The following DLG2 variants were observed in gnomAD, a reference collection of about 807,000 sequenced individuals.
DLG2 encodes discs large MAGUK scaffold protein 2.
Under a neutral mutation model 132.5 loss-of-function variants are expected in DLG2, and 45 were observed. The ratio of observed to expected loss-of-function variants is 0.34; its 90% CI spans 0.27 to 0.44. DLG2 has a LOEUF of 0.44. Ranked by LOEUF, DLG2 falls within the 20% of genes least tolerant of loss-of-function variation. The probability of loss-of-function intolerance (pLI) is 1.00; values close to 1 mark genes in which losing one functional copy is unlikely to be tolerated. For missense variants in DLG2, 1,045 were observed against 1,196.9 expected, an observed-to-expected ratio of 0.87 and a Z score of 1.87; for synonymous variants, 424 against 419.6, an observed-to-expected ratio of 1.01 and a Z score of -0.13.
intron 3 of DLG2, among the ~76,000 whole-genome samples, chr11:85,342,584 G>A (rs1448918523): frequency 6.6e-6 from 1 of 152,102 alleles, no homozygotes; most frequent in African/African-American, 2.4e-5. Context: ...TGATTTAAAA[G>A]TTTAGTACAG....
intron 3 of DLG2, among the ~76,000 whole-genome samples, chr11:85,479,411 T>C (rs1160051812): frequency 6.6e-6 from 1 of 152,244 alleles, no homozygotes; most frequent in Non-Finnish European, 1.5e-5. Flanking sequence ...TTCCACCCTA[T>C]CACCTCCAAA....
At chr11:83,888,128 G>C (rs917091966) in intron 15 of DLG2, among the ~76,000 whole-genome samples, 1 of 149,764 alleles carries the variant, frequency 6.7e-6, no homozygotes, top group African/African-American at 2.5e-5. Context: ...GGAAATAAAG[G>C]GTATTCAATT....
Position 84,766,437 on chromosome 11 carries a change from T to C in DLG2, c.358-231706A>G, listed in dbSNP as rs371770848. 3.0e-3 allele frequency among the ~76,000 whole-genome samples: 458 copies of C among 152,178 alleles called. 3 individuals are homozygous for C. The highest frequency in any genetic ancestry group is 4.3e-3 in the Non-Finnish European group (295 of 67,926). On this transcript the variant is annotated intron_variant, in intron 6 of 27. Transcript: ENST00000376104. ...CGCTCAGGGATAATATTCAAAATTG[T>C]TAGCAACTGGCCTAGCACAGTGACA...
intron 21 of DLG2, among the ~76,000 whole-genome samples, chr11:83,517,488 AGTTTGATCTT>A (rs2095336260): frequency 6.6e-6 from 1 of 152,122 alleles, no homozygotes; most frequent in Non-Finnish European, 1.5e-5. Flanking sequence ...AGCTCGGAGT[AGTTTGATCTT>A]CTGAAGCCTT....
chr11:83,473,273 T>C (rs2136672280), intron 22 of DLG2, among the ~76,000 whole-genome samples: 1 of 152,294 alleles, frequency 6.6e-6, no homozygotes, highest in African/African-American at 2.4e-5. Context: ...AGGGTTTTAC[T>C]CTAATATTAA....
intron 18 of DLG2, among the ~76,000 whole-genome samples, chr11:83,710,202 G>A (rs903427180): frequency 4.0e-5 from 6 of 150,346 alleles, no homozygotes; most frequent in African/African-American, 1.5e-4. Flanking sequence ...TTATTCTGTT[G>A]CCCAGTCTGG....
At chr11:84,326,635 C>A (rs1447314577) in intron 7 of DLG2, among the ~76,000 whole-genome samples, 1 of 152,082 alleles carries the variant, frequency 6.6e-6, no homozygotes, top group Non-Finnish European at 1.5e-5. Flanking sequence ...GTTTTGAGAC[C>A]TAATATGTCA....
At chr11:84,736,084 G>A (rs865937303) in intron 6 of DLG2, among the ~76,000 whole-genome samples, 4 of 151,748 alleles carry the variant, frequency 2.6e-5, no homozygotes, top group African/African-American at 9.6e-5. Context: ...TATGATATGA[G>A]GTATGGATCC....
chr11:84,138,284 C>T (rs553009143), intron 9 of DLG2, among the ~76,000 whole-genome samples: 4 of 152,246 alleles, frequency 2.6e-5, no homozygotes, highest in South Asian at 4.1e-4. Flanking sequence ...ATTTCCAGAA[C>T]ATTTGGGGAA....
chr11:84,205,780 T>C (rs530800454), intron 8 of DLG2, among the ~76,000 whole-genome samples: 2 of 151,904 alleles, frequency 1.3e-5, no homozygotes, highest in Non-Finnish European at 2.9e-5. Flanking sequence ...GCTTCTATCT[T>C]AAAAAGCTAC....
At chr11:84,019,379 A>G (rs1053663016) in intron 11 of DLG2, among the ~76,000 whole-genome samples, 2 of 152,154 alleles carry the variant, frequency 1.3e-5, no homozygotes, top group African/African-American at 4.8e-5. Flanking sequence ...CTGTCAAAAT[A>G]GGCCCCAAGA....
rs564928632 is a variant in DLG2, at chr11:85,354,112, C to A, written c.41-68747G>T. Among the ~76,000 whole-genome samples the A allele has an allele frequency of 5.3e-5, 8 of 151,772 alleles. No individual in the cohort carries two copies. The South Asian group carries it at 1.5e-3, about 28-fold the overall frequency. On this transcript the variant is annotated intron_variant, in intron 3 of 27. Coordinates refer to ENST00000376104, the MANE Select transcript of DLG2 (RefSeq NM_001142699.3). ...CTCGCACTATTCATTTTTTTCTATGCCTCATCTTTCGTGCCCCACTACCCT... is the reference window on the plus strand; with the variant it reads ...CTCGCACTATTCATTTTTTTCTATGACTCATCTTTCGTGCCCCACTACCCT...
chr11:83,932,662 G>A (rs1245966491), intron 14 of DLG2, among the ~76,000 whole-genome samples: 1 of 151,900 alleles, frequency 6.6e-6, no homozygotes, highest in Non-Finnish European at 1.5e-5. Flanking sequence ...ACACAGAAAT[G>A]GCACATAGTA....
At chr11:84,500,208 T>G (rs528085564) in intron 7 of DLG2, among the ~76,000 whole-genome samples, 4 of 152,244 alleles carry the variant, frequency 2.6e-5, no homozygotes, top group East Asian at 1.9e-4. Flanking sequence ...AAAAAACATG[T>G]TGGAGGAAGA....
At chr11:84,245,429 A>G (rs891719892) in intron 8 of DLG2, among the ~76,000 whole-genome samples, 1 of 152,190 alleles carries the variant, frequency 6.6e-6, no homozygotes, top group Admixed American at 6.5e-5. Flanking sequence ...GGGATATACT[A>G]CTAAGGACCC....
chr11:84,636,233 T>C (rs1270252195), intron 6 of DLG2, among the ~76,000 whole-genome samples: 2 of 152,246 alleles, frequency 1.3e-5, no homozygotes, highest in Non-Finnish European at 2.9e-5. Flanking sequence ...AAATATATCT[T>C]CTGAGCCTTC....
At chr11:84,751,492 T>C (rs2066105534) in intron 6 of DLG2, among the ~76,000 whole-genome samples, 1 of 152,028 alleles carries the variant, frequency 6.6e-6, no homozygotes, top group Admixed American at 6.6e-5. Flanking sequence ...CTTGGAGTGG[T>C]AGTTCTCACT....
intron 6 of DLG2, among the ~76,000 whole-genome samples, chr11:84,728,527 T>C (rs2062771919): frequency 6.6e-6 from 1 of 152,198 alleles, no homozygotes. Flanking sequence ...TCGATGTTCA[T>C]CAGGAATATT....
At chr11:85,396,232 A>G (rs1413305354) in intron 3 of DLG2, among the ~76,000 whole-genome samples, 1 of 152,222 alleles carries the variant, frequency 6.6e-6, no homozygotes, top group African/African-American at 2.4e-5. Flanking sequence ...TAGCATCAAC[A>G]ACAACAAAGA....
Sources: gnomAD v4.1 joint callset for allele counts (sites outside exome capture counted in the v4.1 genomes callset) on GRCh38, gnomAD v4.1.1 for gene constraint, MANE v1.5 for transcripts, NCBI Gene and HGNC (gene_info 2026-07-23, HGNC 2026-07-21) for gene names.